The following CR2 variants were observed in gnomAD, a reference collection of about 807,000 sequenced individuals.
CR2 encodes the protein complement C3d receptor 2, also known as complement receptor type 2.
CR2 carries 96 observed loss-of-function variants against 123.0 expected under a neutral mutation model. That is an observed-to-expected ratio of 0.78 (90% CI 0.66 to 0.93). The LOEUF (loss-of-function observed/expected upper bound fraction) is 0.93. Ranked by LOEUF, CR2 falls within the 40% of genes least tolerant of loss-of-function variation. CR2 has a pLI of 0.00. For synonymous variants in CR2, 484 were observed against 469.5 expected (o/e 1.03, Z -0.40); for missense variants, 1,258 against 1,361.0 (o/e 0.92, Z 1.19).
chr1:207,465,992 G>T (rs1426007598), intron 1 of CR2, among the ~76,000 whole-genome samples: 3 of 152,158 alleles, frequency 2.0e-5, no homozygotes, highest in Non-Finnish European at 2.9e-5. Flanking sequence ...TATGTTCCAG[G>T]TATTGTACTT....
chr1:207,456,407 C>T (rs576944534), intron 1 of CR2, among the ~76,000 whole-genome samples: 23 of 152,328 alleles, frequency 1.5e-4, no homozygotes, highest in South Asian at 8.3e-4. Flanking sequence ...CCTCCCCCTC[C>T]AGAGGTTCAT....
chr1:207,489,773 A>C lies in CR2; in HGVS notation c.*650A>C, dbSNP rs529107740. On this transcript the variant is annotated 3_prime_UTR_variant, in exon 20 of 20. Transcript: ENST00000367057. Reference sequence around the variant, plus strand: ...AGATTTAATCCTAGAGATTTGGTGTACAATTCAGGCTTTGGATGTTTCTTT... The same window carrying C: ...AGATTTAATCCTAGAGATTTGGTGTCCAATTCAGGCTTTGGATGTTTCTTT... The C allele has an allele frequency of 6.6e-6, 1 of 152,318 alleles. No homozygotes were observed. The highest frequency in any genetic ancestry group is 6.5e-5 in the Admixed American group (1 of 15,294). The allele number at this position is 152,318 out of a possible 1,614,324, so 9.4% of individuals were successfully genotyped here. A position where few individuals can be genotyped will look rare whatever the true frequency, so the allele number is the denominator to read the frequency against.
rs760733654 is a variant in CR2, at chr1:207,468,801, G to C, written c.636G>C (p.Glu212Asp). The C allele has an allele frequency of 3.7e-6, 6 of 1,613,874 alleles. No individual in the cohort carries two copies. Among genetic ancestry groups the C allele is most frequent in the Non-Finnish European group, 5.1e-6 (6 of 1,179,936 alleles). The stretch of plus-strand genomic sequence containing the variant: ...TCTCATCTTTGGTTTGTTTTTTAGA[G>C]GCACGCTGTAAATCTCTAGGACGAT... Reference protein sequence around the residue: ...KWSAVPPTCEEARCKSLGRFP... With the variant: ...KWSAVPPTCEDARCKSLGRFP... Residue 212 changes from glutamate to aspartate, a missense_variant and splice_region_variant, in exon 4 of 20, where the codon GAG (glutamate) becomes GAC (aspartate). Transcript: ENST00000367057.
chr1:207,482,643 C>G (rs991050583), intron 18 of CR2, among the ~76,000 whole-genome samples: 2 of 152,018 alleles, frequency 1.3e-5, no homozygotes, highest in Non-Finnish European at 2.9e-5. Context: ...TAAACAAGTA[C>G]CATAAAATAA....
In CR2 at chr1:207,469,242, G is replaced by A; in HGVS notation, c.817+10G>A. The stretch of plus-strand genomic sequence containing the variant: ...ATGCCAGTATGTGAAGGTAGGCTAG[G>A]CAACTATGGTCTGACAGCACTGCAT... On this transcript the variant is annotated intron_variant, in intron 5 of 19. Transcript: ENST00000367057. 6.2e-7 allele frequency: 1 copy of A among 1,609,512 alleles called. No individual in the cohort carries two copies. Among genetic ancestry groups the A allele is most frequent in the Admixed American group, 1.7e-5 (1 of 59,978 alleles).
intron 18 of CR2, among the ~76,000 whole-genome samples, chr1:207,483,264 C>T (rs895922304): frequency 2.6e-5 from 4 of 152,290 alleles, no homozygotes; most frequent in Middle Eastern, 3.4e-3. Flanking sequence ...TACCCTGCCA[C>T]CAGTGCCATC....
intron 1 of CR2, among the ~76,000 whole-genome samples, chr1:207,464,967 G>C (rs1388485997): frequency 6.6e-6 from 1 of 152,158 alleles, no homozygotes; most frequent in Non-Finnish European, 1.5e-5. Context: ...GTCTCGCTCA[G>C]TCGCCCAGGC....
intron 18 of CR2, among the ~76,000 whole-genome samples, chr1:207,480,785 C>T (rs1407477193): frequency 6.6e-6 from 1 of 152,068 alleles, no homozygotes; most frequent in South Asian, 2.1e-4. Flanking sequence ...CATTACAAAC[C>T]ACTTTGTGTT....
In CR2 at chr1:207,473,199, G is replaced by A; in HGVS notation, c.1978+20G>A. 1 of 1,610,588 alleles carries A rather than the reference G, an allele frequency of 6.2e-7. No homozygotes were observed. Among genetic ancestry groups the A allele is most frequent in the Non-Finnish European group, 8.5e-7 (1 of 1,179,124 alleles). The stretch of plus-strand genomic sequence containing the variant: ...AAAAAGGTAAAAACCCAATAAGGGG[G>A]AAAAAAGGAGAGATTTACTTAATTA... On this transcript the variant is annotated intron_variant, in intron 10 of 19. Transcript: ENST00000367057.
intron 5 of CR2, 69 bp from the exon 6 acceptor site, chr1:207,469,626 C>A: frequency 7.2e-7 from 1 of 1,394,422 alleles, no homozygotes; most frequent in Non-Finnish European, 1.0e-6. Context: ...TGGTATCAAG[C>A]AGCATCTGGG....
intron 18 of CR2, 62 bp downstream of exon 18, chr1:207,480,115 GA>G: frequency 8.6e-7 from 1 of 1,163,708 alleles, no homozygotes; most frequent in East Asian, 2.3e-5. Context: ...CTTCTTGTCT[GA>G]AACTAAACAC....
rs1298362634 is a variant in CR2, at chr1:207,469,862, A to G, written c.985A>G (p.Ser329Gly). Residue 329 changes from serine to glycine, a missense_variant, in exon 6 of 20, where the codon AGT becomes GGT. Coordinates refer to ENST00000367057, the MANE Select transcript of CR2 (RefSeq NM_001006658.3). Reference protein sequence around the residue: ...GESTLRCTVDSQKTGTWSGPA... With the variant: ...GESTLRCTVDGQKTGTWSGPA... ...GAGCACTCTCCGTTGTACAGTTGAT[A>G]GTCAGAAGACTGGGACCTGGAGTGG... The G allele has an allele frequency of 6.2e-7, 1 of 1,614,028 alleles. No homozygotes were observed. Among genetic ancestry groups the G allele is most frequent in the African/African-American group, 1.3e-5 (1 of 75,040 alleles).
chr1:207,472,453 A>G (rs1031112981), intron 9 of CR2, among the ~76,000 whole-genome samples: 4 of 152,290 alleles, frequency 2.6e-5, no homozygotes, highest in African/African-American at 7.2e-5. Flanking sequence ...GCATAATTCT[A>G]TTACCCTGTG....
intron 12 of CR2, 93 bp from the exon 13 acceptor site, chr1:207,474,148 C>A (rs1658366300): frequency 2.6e-6 from 3 of 1,137,716 alleles, no homozygotes; most frequent in Non-Finnish European, 4.0e-6. Context: ...CTCCTCTCTG[C>A]CAAAGTTCTT....
chr1:207,476,032 T>C (rs901848498), intron 14 of CR2, among the ~76,000 whole-genome samples: 2 of 152,246 alleles, frequency 1.3e-5, no homozygotes, highest in Non-Finnish European at 2.9e-5. Flanking sequence ...TTTAACACTT[T>C]TCTTCAAATC....
chr1:207,479,465 TA>T (rs1251643131), intron 17 of CR2, among the ~76,000 whole-genome samples, 185 bp downstream of exon 17: 1 of 152,232 alleles, frequency 6.6e-6, no homozygotes, highest in African/African-American at 2.4e-5. Flanking sequence ...TAGAGTTGGA[TA>T]AATTATTTGA....
intron 18 of CR2, among the ~76,000 whole-genome samples, chr1:207,483,181 G>C (rs951923322): frequency 3.9e-5 from 6 of 152,138 alleles, no homozygotes; most frequent in African/African-American, 1.4e-4. Context: ...ACCAAGTCAT[G>C]CCACCTAAAA....
At chr1:207,482,047 C>T (rs1658615374) in intron 18 of CR2, among the ~76,000 whole-genome samples, 1 of 151,954 alleles carries the variant, frequency 6.6e-6, no homozygotes, top group African/African-American at 2.4e-5. Flanking sequence ...GGAATATTGG[C>T]ATATTTTAAC....
Position 207,469,503 on chromosome 1 carries a change from C to A in CR2, c.818-192C>A, listed in dbSNP as rs115074199. Among the ~76,000 whole-genome samples, 619 of 152,258 alleles carry A rather than the reference C, an allele frequency of 4.1e-3. 5 individuals carry two copies. Among genetic ancestry groups the A allele is most frequent in the African/African-American group, 0.015 (604 of 41,558 alleles). ...TATTTGGTAAAAGAAATCAAAGGAT[C>A]AGCAGAGTACATATACTCAGGAATG... On this transcript the variant is annotated intron_variant, in intron 5 of 19. Coordinates refer to ENST00000367057, the MANE Select transcript of CR2 (RefSeq NM_001006658.3).
Sources: gnomAD v4.1 joint callset for allele counts (sites outside exome capture counted in the v4.1 genomes callset) on GRCh38, gnomAD v4.1.1 for gene constraint, MANE v1.5 for transcripts, NCBI Gene and HGNC (gene_info 2026-07-23, HGNC 2026-07-21) for gene names.